Variants in ZMIZ1 observed in about 807,000 individuals in gnomAD.
The protein encoded by ZMIZ1 is zinc finger MIZ domain-containing protein 1.
In ZMIZ1, 17 loss-of-function variants were observed where a neutral mutation model predicts 113.9. The observed-to-expected ratio is 0.15, with a 90% CI of 0.10 to 0.22. The LOEUF (loss-of-function observed/expected upper bound fraction) is 0.22, where lower values mean the gene tolerates loss of function less well. Ranked by LOEUF, ZMIZ1 falls within the 10% of genes least tolerant of loss-of-function variation. The probability of loss-of-function intolerance (pLI) is 1.00; values close to 1 mark genes in which losing one functional copy is unlikely to be tolerated. For synonymous variants in ZMIZ1, 607 were observed against 603.1 expected, an observed-to-expected ratio of 1.01 and a Z score of -0.09; for missense variants, 1,059 against 1,477.8, an observed-to-expected ratio of 0.72 and a Z score of 4.65.
intron 4 of ZMIZ1, among the ~76,000 whole-genome samples, chr10:79,182,130 A>G (rs1847146408): frequency 6.6e-6 from 1 of 152,220 alleles, no homozygotes; most frequent in South Asian, 2.1e-4. Flanking sequence ...GTATGTGCAC[A>G]TGCGTGTGTG....
chr10:79,210,033 C>T (rs1848473105), intron 6 of ZMIZ1, among the ~76,000 whole-genome samples: 1 of 152,248 alleles, frequency 6.6e-6, no homozygotes, highest in Admixed American at 6.5e-5. Flanking sequence ...TCCTTCAGCC[C>T]ATGGGATCCC....
At chr10:79,265,182 G>A (rs571224215) in intron 7 of ZMIZ1, among the ~76,000 whole-genome samples, 15 of 152,294 alleles carry the variant, frequency 9.8e-5, no homozygotes, top group East Asian at 5.8e-4. Flanking sequence ...GCGGGCGTGC[G>A]AGGAGTGTTC....
chr10:79,078,655 C>G (rs1842558052), intron 1 of ZMIZ1, among the ~76,000 whole-genome samples: 1 of 136,360 alleles, frequency 7.3e-6, no homozygotes, highest in East Asian at 2.2e-4. Flanking sequence ...GGTGATTTTC[C>G]CACCACATCC....
intron 16 of ZMIZ1, 57 bp from the exon 17 acceptor site, chr10:79,300,675 G>A (rs1441324534): frequency 1.9e-6 from 3 of 1,541,010 alleles, no homozygotes; most frequent in East Asian, 2.4e-5. Flanking sequence ...CGGGGTCACG[G>A]AGGCCATGGA....
chr10:79,208,305 G>C (rs202235197), intron 5 of ZMIZ1, 31 bp from the exon 6 acceptor site: 4 of 1,603,102 alleles, frequency 2.5e-6, no homozygotes, highest in Middle Eastern at 1.7e-4. Context: ...CACTCTTGGA[G>C]CCTCAGCCGC....
At chr10:79,106,628 G>A (rs1291363957) in intron 1 of ZMIZ1, among the ~76,000 whole-genome samples, 3 of 152,242 alleles carry the variant, frequency 2.0e-5, no homozygotes, top group Non-Finnish European at 2.9e-5. Context: ...TGTGCAAGGG[G>A]ACATCCCCCA....
Position 79,296,312 on chromosome 10 carries a change from C to G in ZMIZ1, c.1231-159C>G. 1.2e-6 allele frequency: 1 copy of G among 807,598 alleles called. No individual in the cohort carries two copies. Among genetic ancestry groups the G allele is most frequent in the Non-Finnish European group, 2.0e-6 (1 of 490,952 alleles). The allele number at this position is 807,598 out of a possible 1,614,324, so 50.0% of individuals were successfully genotyped here. On this transcript the variant is annotated intron_variant, in intron 12 of 24. Transcript: ENST00000334512. This position sits in a 1 kb window ranked among gnomAD's most constrained non-coding sequence, Gnocchi z 4.1. ...GGCAGAACAAAATGCCCCTGGATGT[C>G]AGGACGAGAAGGGGCCCAAAGCATT...
chr10:79,091,625 G>C lies in ZMIZ1; in HGVS notation c.-337+22355G>C, dbSNP rs1842985676. ...GCATTTAAGGGCTGCACTGAGGATG[G>C]AGAGGCTTTAGCTAGAACAAGGCAA... On this transcript the variant is annotated intron_variant, in intron 1 of 24. Coordinates refer to ENST00000334512, the MANE Select transcript of ZMIZ1 (RefSeq NM_020338.4). Among the ~76,000 whole-genome samples, 3 of 152,340 alleles carry C rather than the reference G, an allele frequency of 2.0e-5. No homozygotes were observed. The East Asian group carries it at 5.8e-4, about 29-fold the overall frequency.
chr10:79,282,292 T>A (rs751475780), intron 8 of ZMIZ1, among the ~76,000 whole-genome samples: 1 of 152,216 alleles, frequency 6.6e-6, no homozygotes, highest in Non-Finnish European at 1.5e-5. Flanking sequence ...GAAGCTCTTT[T>A]TGCCTTTTCA....
chr10:79,305,520 T>A lies in ZMIZ1; in HGVS notation c.2355-13T>A. The A allele has an allele frequency of 6.2e-7, 1 of 1,613,784 alleles. No individual in the cohort carries two copies. Among genetic ancestry groups the A allele is most frequent in the Non-Finnish European group, 8.5e-7 (1 of 1,179,906 alleles). ...CCTGGAGCAGAGGCCAAGCTCCCCA[T>A]CTCCTTTTCCAGTAAAACCGCTCTG... On this transcript the variant is annotated splice_polypyrimidine_tract_variant and intron_variant, in intron 20 of 24. Coordinates refer to ENST00000334512, the MANE Select transcript of ZMIZ1 (RefSeq NM_020338.4).
intron 2 of ZMIZ1, among the ~76,000 whole-genome samples, chr10:79,126,407 G>C (rs1298998235): frequency 6.6e-6 from 1 of 152,206 alleles, no homozygotes; most frequent in Non-Finnish European, 1.5e-5. Flanking sequence ...TAGGGCCAGG[G>C]TCTAGGGGCT....
intron 2 of ZMIZ1, among the ~76,000 whole-genome samples, chr10:79,130,678 TA>T (rs994317491): frequency 6.6e-6 from 1 of 152,048 alleles, no homozygotes; most frequent in Non-Finnish European, 1.5e-5. Flanking sequence ...CATCACTGAC[TA>T]ACCGTGTGAC....
chr10:79,202,326 G>A (rs1268824244), intron 5 of ZMIZ1, among the ~76,000 whole-genome samples: 1 of 151,764 alleles, frequency 6.6e-6, no homozygotes, highest in Non-Finnish European at 1.5e-5. Flanking sequence ...ATTATAGGCT[G>A]GACCCAGTGA....
intron 7 of ZMIZ1, among the ~76,000 whole-genome samples, chr10:79,242,080 G>A (rs552145603): frequency 6.6e-6 from 1 of 152,226 alleles, no homozygotes; most frequent in Non-Finnish European, 1.5e-5. Flanking sequence ...AGGGGGTAAT[G>A]ATGACAGGGA....
chr10:79,084,164 C>G (rs1484933498), intron 1 of ZMIZ1, among the ~76,000 whole-genome samples: 1 of 152,248 alleles, frequency 6.6e-6, no homozygotes, highest in Non-Finnish European at 1.5e-5. Flanking sequence ...TCCTACCCAT[C>G]CTTAAGAGCC....
At chr10:79,099,750 G>T (rs1843296015) in intron 1 of ZMIZ1, among the ~76,000 whole-genome samples, 1 of 152,202 alleles carries the variant, frequency 6.6e-6, no homozygotes, top group South Asian at 2.1e-4. Flanking sequence ...TGTGACTTGG[G>T]CTTGGAGGAA....
intron 1 of ZMIZ1, among the ~76,000 whole-genome samples, chr10:79,115,800 C>T (rs1843994781): frequency 6.6e-6 from 1 of 152,250 alleles, no homozygotes; most frequent in South Asian, 2.1e-4. Flanking sequence ...GCCAGTCACT[C>T]ACCTGAGGTT....
intron 7 of ZMIZ1, among the ~76,000 whole-genome samples, chr10:79,254,620 T>C (rs371745814): frequency 1.3e-5 from 2 of 152,228 alleles, no homozygotes; most frequent in Admixed American, 6.5e-5. Flanking sequence ...CTCAGGCAGG[T>C]CTGGGTGACC....
chr10:79,249,335 A>T (rs1850402564), intron 7 of ZMIZ1, among the ~76,000 whole-genome samples: 1 of 152,176 alleles, frequency 6.6e-6, no homozygotes, highest in Non-Finnish European at 1.5e-5. Context: ...GTGTCAGCCC[A>T]CTACACTGAC....
Sources: allele counts gnomAD v4.1 joint callset (sites outside exome capture counted in the v4.1 genomes callset), GRCh38; gene constraint gnomAD v4.1.1; non-coding constraint Gnocchi (gnomAD v3.1); transcripts MANE v1.5; gene names NCBI Gene and HGNC (gene_info 2026-07-23, HGNC 2026-07-21).